Variants in JMJD1C observed in about 807,000 individuals in gnomAD.
JMJD1C encodes jumonji domain-containing protein 1C.
A neutral mutation model predicts 245.3 loss-of-function variants in JMJD1C; 31 were observed. The ratio of observed to expected loss-of-function variants is 0.13; its 90% CI spans 0.09 to 0.17. The LOEUF (loss-of-function observed/expected upper bound fraction) is 0.17, where lower values mean the gene tolerates loss of function less well. Among genes scored for constraint, JMJD1C ranks in the 10% least tolerant of loss-of-function variants. The pLI is 1.00. For missense variants in JMJD1C, 2,691 were observed against 3,000.2 expected (o/e 0.90, Z 2.41); for synonymous variants, 1,057 against 1,017.4 (o/e 1.04, Z -0.74).
At chr10:63,249,612 G>T (rs1211668331) in intron 3 of JMJD1C, among the ~76,000 whole-genome samples, 1 of 152,136 alleles carries the variant, frequency 6.6e-6, no homozygotes, top group Non-Finnish European at 1.5e-5. Flanking sequence ...TGTAATCCCA[G>T]CACTTTGGGA....
chr10:63,411,397 C>A (rs1032721615), intron 1 of JMJD1C, among the ~76,000 whole-genome samples: 2 of 149,368 alleles, frequency 1.3e-5, no homozygotes, highest in African/African-American at 4.9e-5. Flanking sequence ...CTCCCGGGGT[C>A]AAGCGATTCT....
intron 2 of JMJD1C, among the ~76,000 whole-genome samples, chr10:63,306,064 C>G (rs1226454702): frequency 6.6e-6 from 1 of 151,874 alleles, no homozygotes; most frequent in Non-Finnish European, 1.5e-5. Flanking sequence ...AAGACTTAGT[C>G]ATTAGTTTAT....
chr10:63,292,234 C>T (rs998409034), intron 2 of JMJD1C, among the ~76,000 whole-genome samples: 3 of 139,510 alleles, frequency 2.2e-5, no homozygotes, highest in African/African-American at 8.2e-5. Context: ...GCTGGGATTA[C>T]AGATGTGAGC....
chr10:63,260,736 C>T (rs1854598267), intron 3 of JMJD1C, among the ~76,000 whole-genome samples: 1 of 126,258 alleles, frequency 7.9e-6, no homozygotes, highest in Non-Finnish European at 1.6e-5. Context: ...ATTACAGGCG[C>T]CCGCCACCAC....
At chr10:63,338,665 T>TTTTTTTTA (rs34856590) in intron 2 of JMJD1C, among the ~76,000 whole-genome samples, 1 of 136,562 alleles carries the variant, frequency 7.3e-6, no homozygotes, top group African/African-American at 3.0e-5. Context: ...TTTTTTTTTT[T>TTTTTTTTA]GAGATAGAGT....
intron 1 of JMJD1C, among the ~76,000 whole-genome samples, chr10:63,445,199 G>A (rs867483200): frequency 1.3e-5 from 2 of 152,142 alleles, no homozygotes; most frequent in Non-Finnish European, 2.9e-5. Context: ...CAACCTGGGT[G>A]ACAGAACAAG....
intron 1 of JMJD1C, among the ~76,000 whole-genome samples, chr10:63,391,067 GAAT>G (rs1374086352): frequency 6.6e-6 from 1 of 152,130 alleles, no homozygotes; most frequent in Non-Finnish European, 1.5e-5. Context: ...CCCTCTTTGA[GAAT>G]AATGTGACTG....
At chr10:63,487,762 T>C (rs1954044239) in intron 1 of JMJD1C, among the ~76,000 whole-genome samples, 1 of 152,216 alleles carries the variant, frequency 6.6e-6, no homozygotes. Context: ...ATGTCATCAA[T>C]GAGTGATCAC....
At chr10:63,484,240 A>ATG (rs1564963367) in intron 1 of JMJD1C, among the ~76,000 whole-genome samples, 11 of 12,056 alleles carry the variant, frequency 9.1e-4, no homozygotes, top group African/African-American at 1.6e-3. Flanking sequence ...ATGGATGGAT[A>ATG]GATAGATAGA....
upstream of JMJD1C, chr10:63,466,139 A>AGGC (rs3841602): frequency 0.018 from 3,137 of 176,510 alleles, 61 homozygotes; most frequent in Admixed American, 0.046. Flanking sequence ...CCAGATCCAG[A>AGGC]GGCGGCGGCG....
intron 1 of JMJD1C, among the ~76,000 whole-genome samples, chr10:63,480,806 T>C (rs1564961569): frequency 6.6e-6 from 1 of 152,146 alleles, no homozygotes; most frequent in Non-Finnish European, 1.5e-5. Flanking sequence ...ACTCTGGCTA[T>C]AACTACAAAG....
At chr10:63,277,727 A>ATTTTTTTTTTTTTTTTTTTTTT (rs1389505532) in intron 2 of JMJD1C, among the ~76,000 whole-genome samples, 1 of 83,160 alleles carries the variant, frequency 1.2e-5, no homozygotes, top group Admixed American at 1.2e-4. Flanking sequence ...AGTAATTTGC[A>ATTTTTTTTTTTTTTTTTTTTTT]TTTCTTTTTT....
intron 2 of JMJD1C, among the ~76,000 whole-genome samples, chr10:63,351,892 C>A (rs1944395978): frequency 6.6e-6 from 1 of 152,176 alleles, no homozygotes; most frequent in Admixed American, 6.5e-5. Flanking sequence ...TTCAAGCTTT[C>A]AATTTAATGT....
chr10:63,212,849 T>A (rs900737709), intron 8 of JMJD1C, among the ~76,000 whole-genome samples: 1 of 151,004 alleles, frequency 6.6e-6, no homozygotes, highest in African/African-American at 2.4e-5. Flanking sequence ...TATATTATAA[T>A]TATTGCATAA....
intron 1 of JMJD1C, among the ~76,000 whole-genome samples, chr10:63,462,828 G>C (rs1952892107): frequency 6.6e-6 from 1 of 152,064 alleles, no homozygotes; most frequent in Non-Finnish European, 1.5e-5. Context: ...GTGATCTCCA[G>C]AACTACAAAA....
chr10:63,187,876 G>GTA (rs751060468), intron 18 of JMJD1C, among the ~76,000 whole-genome samples: 14 of 152,152 alleles, frequency 9.2e-5, no homozygotes, highest in Non-Finnish European at 2.1e-4. Flanking sequence ...ATCACCTAGA[G>GTA]TATAATGTTA....
At chr10:63,295,555 C>A (rs1018035531) in intron 2 of JMJD1C, among the ~76,000 whole-genome samples, 4 of 152,080 alleles carry the variant, frequency 2.6e-5, no homozygotes, top group Non-Finnish European at 5.9e-5. Flanking sequence ...AGAAAGGGGT[C>A]TCTCTCAAGA....
intron 3 of JMJD1C, among the ~76,000 whole-genome samples, chr10:63,221,015 GC>G (rs1186754582): frequency 1.3e-5 from 2 of 151,590 alleles, no homozygotes; most frequent in African/African-American, 4.9e-5. Context: ...GGATGCTGAG[GC>G]AGGAGAATGG....
intron 1 of JMJD1C, among the ~76,000 whole-genome samples, chr10:63,398,541 G>A (rs1948648511): frequency 6.6e-6 from 1 of 151,908 alleles, no homozygotes; most frequent in Admixed American, 6.6e-5. Context: ...ATATTTTTAT[G>A]TAACAGCAGC....
Sources: gnomAD v4.1 joint callset for allele counts (sites outside exome capture counted in the v4.1 genomes callset) on GRCh38, gnomAD v4.1.1 for gene constraint, MANE v1.5 for transcripts, NCBI Gene and HGNC (gene_info 2026-07-23, HGNC 2026-07-21) for gene names.